The following SUN3 variants were observed in gnomAD, a reference collection of about 807,000 sequenced individuals.
SUN3 encodes the protein Sad1 and UNC84 domain containing 3, also known as SUN domain-containing protein 3.
A neutral mutation model predicts 48.2 loss-of-function variants in SUN3; 36 were observed. The ratio of observed to expected loss-of-function variants is 0.75; its 90% CI spans 0.57 to 0.99. The LOEUF (loss-of-function observed/expected upper bound fraction) is 0.99, where lower values mean the gene tolerates loss of function less well. Ranked by LOEUF, SUN3 falls within the 50% of genes least tolerant of loss-of-function variation. The probability of loss-of-function intolerance (pLI) is 0.00; values close to 1 mark genes in which losing one functional copy is unlikely to be tolerated. For missense variants in SUN3, 419 were observed against 433.1 expected (o/e 0.97, Z 0.29); for synonymous variants, 148 against 147.9 (o/e 1.00, Z 0.00).
chr7:48,006,105 G>A (rs1461669412), intron 5 of SUN3, 52 bp from the exon 6 acceptor site: 2 of 1,288,930 alleles, frequency 1.6e-6, no homozygotes, highest in East Asian at 4.7e-5. Context: ...CCAACTGCTT[G>A]AGTTTTGACC....
At chr7:48,004,273 T>C (rs1789465191) in intron 6 of SUN3, among the ~76,000 whole-genome samples, 1 of 152,258 alleles carries the variant, frequency 6.6e-6, no homozygotes, top group Non-Finnish European at 1.5e-5. Flanking sequence ...TTGTGATTTG[T>C]ACCCTAGACA....
At chr7:47,996,782 T>C (rs1256783963) in intron 6 of SUN3, among the ~76,000 whole-genome samples, 1 of 151,586 alleles carries the variant, frequency 6.6e-6, no homozygotes, top group African/African-American at 2.4e-5. Flanking sequence ...TATCTGATTA[T>C]CCTTACTTTT....
At chr7:48,022,016 C>T (rs1359512226) in intron 2 of SUN3, among the ~76,000 whole-genome samples, 1 of 152,038 alleles carries the variant, frequency 6.6e-6, no homozygotes, top group African/African-American at 2.4e-5. Flanking sequence ...TTGGAAGCAA[C>T]CTAAGTGTCC....
At position 47,988,873 on chromosome 7, in the gene SUN3, G is replaced by A; in HGVS notation, c.869C>T (p.Thr290Ile). Reference sequence around the variant, plus strand: ...AATTTCTTCTCCTTCACATTTTTTTGTGATGCCCTATAAAGAAAGCAACAG... The same window carrying A: ...AATTTCTTCTCCTTCACATTTTTTTATGATGCCCTATAAAGAAAGCAACAG... ...APKEFSVYGITKKCEGEEIFL... is the reference protein window; with the variant it reads ...APKEFSVYGIIKKCEGEEIFL... Residue 290 changes from threonine to isoleucine, a missense_variant, in exon 9 of 10, where the codon ACA (threonine) becomes ATA (isoleucine). By Grantham distance (89) the Thr-to-Ile change is moderately conservative. Coordinates refer to ENST00000297325, the MANE Select transcript of SUN3 (RefSeq NM_001030019.2). 6.3e-7 allele frequency: 1 copy of A among 1,592,462 alleles called. No homozygotes were observed. Among genetic ancestry groups the A allele is most frequent in the Non-Finnish European group, 8.6e-7 (1 of 1,164,314 alleles).
At chr7:48,019,869 T>G (rs1022047576) in intron 2 of SUN3, among the ~76,000 whole-genome samples, 1 of 147,794 alleles carries the variant, frequency 6.8e-6, no homozygotes, top group East Asian at 2.0e-4. Flanking sequence ...GAAGAGCTAA[T>G]ACCAACCTTA....
chr7:48,001,178 GT>G (rs756500603), intron 6 of SUN3, among the ~76,000 whole-genome samples: 76 of 152,124 alleles, frequency 5.0e-4, no homozygotes, highest in Admixed American at 9.8e-4. Context: ...AGATTATTTT[GT>G]CACCCAGGTG....
chr7:47,993,891 T>C (rs1192468767), intron 8 of SUN3, among the ~76,000 whole-genome samples: 2 of 151,438 alleles, frequency 1.3e-5, no homozygotes. Context: ...GGAAGTGCCA[T>C]GGAAAAGAGT....
intron 9 of SUN3, 136 bp from the exon 10 acceptor site, chr7:47,987,585 A>G: frequency 1.2e-6 from 1 of 804,842 alleles, no homozygotes; most frequent in Non-Finnish European, 1.8e-6. Context: ...ACAGGCTGGA[A>G]TGCAGTGGCA....
rs1414357744 is a variant in SUN3, at chr7:47,994,610, C to T, written c.694-128G>A. 3.7e-5 allele frequency: 34 copies of T among 917,680 alleles called. No individual in the cohort carries two copies. In the South Asian group the frequency reaches 4.0e-4, roughly 11 times the overall value. The allele number at this position is 917,680 out of a possible 1,614,324, so 56.8% of individuals were successfully genotyped here. A position where few individuals can be genotyped will look rare whatever the true frequency, so the allele number is the denominator to read the frequency against. ...ATCAAATAGGAAAACTCCCAAGGCA[C>T]CTCTAGTGTGGTTGTTCTTCCAGAG... On this transcript the variant is annotated intron_variant, in intron 7 of 9. Coordinates refer to ENST00000297325, the MANE Select transcript of SUN3 (RefSeq NM_001030019.2).
intron 7 of SUN3, 28 bp from the exon 8 acceptor site, chr7:47,994,510 T>C: frequency 6.4e-7 from 1 of 1,573,934 alleles, no homozygotes; most frequent in East Asian, 2.3e-5. Context: ...AATTAATCTC[T>C]TAACTAGTTA....
At chr7:48,010,279 A>G (rs959519717) in intron 3 of SUN3, among the ~76,000 whole-genome samples, 16 of 152,176 alleles carry the variant, frequency 1.1e-4, no homozygotes, top group Non-Finnish European at 2.2e-4. Context: ...TGGGGCACCA[A>G]TCTTGAAGGG....
At position 48,006,025 on chromosome 7, in the gene SUN3, A is replaced by T. The variant is rs115042949; in HGVS notation, c.521T>A (p.Leu174His). The T allele has an allele frequency of 3.3e-4, 536 of 1,613,010 alleles. 3 individuals carry two copies. In the African/African-American group the frequency reaches 6.5e-3, roughly 20 times the overall value. Reference protein sequence around the residue: ...EEVSNLVNYVLKKLREDQVEM... With the variant: ...EEVSNLVNYVHKKLREDQVEM... ...GACTTGGTCTTCTCTCAACTTTTTA[A>T]GTACATAATTGACCAAGTTTGACAC... The change falls in exon 6 of 10, where the codon CTT becomes CAT. Residue 174 changes from leucine (L) to histidine (H), a missense_variant. Transcript: ENST00000297325.
the SUN3 span, among the ~76,000 whole-genome samples, chr7:48,035,258 T>TCCCCACGC: frequency 2.0e-5 from 3 of 151,426 alleles, no homozygotes; most frequent in African/African-American, 7.3e-5. The surrounding 1 kb of genome is among the most constrained non-coding windows in gnomAD (Gnocchi z 4.0). Flanking sequence ...CGTCCCCACG[T>TCCCCACGC]CCCCACGCCC....
chr7:47,996,802 C>CTTT (rs35247146), intron 6 of SUN3, among the ~76,000 whole-genome samples: 16 of 135,348 alleles, frequency 1.2e-4, no homozygotes, highest in African/African-American at 2.2e-4. Flanking sequence ...TTCTTTCCTT[C>CTTT]TTTTTTTTTT....
At chr7:48,019,412 C>A (rs149026381) in intron 2 of SUN3, among the ~76,000 whole-genome samples, 4,415 of 151,478 alleles carry the variant, frequency 0.029, 215 homozygotes, top group African/African-American at 0.1. Flanking sequence ...AGCAAACCAA[C>A]CCCAAAATGA....
intron 6 of SUN3, among the ~76,000 whole-genome samples, chr7:48,003,000 G>A (rs1583757220): frequency 6.6e-6 from 1 of 150,394 alleles, no homozygotes; most frequent in Non-Finnish European, 1.5e-5. Flanking sequence ...GACTTCATAG[G>A]CAATACCTAG....
the SUN3 span, chr7:48,035,594 G>T: frequency 1.4e-6 from 1 of 694,680 alleles, no homozygotes; most frequent in Non-Finnish European, 2.6e-6. The surrounding 1 kb of genome is among the most constrained non-coding windows in gnomAD (Gnocchi z 4.0). Context: ...AACGCCGGGC[G>T]CCGCGGGCAG....
intron 6 of SUN3, among the ~76,000 whole-genome samples, chr7:47,996,801 T>C (rs1789224800): frequency 3.4e-5 from 5 of 148,798 alleles, no homozygotes. Flanking sequence ...TTTCTTTCCT[T>C]CTTTTTTTTT....
At chr7:47,994,051 G>A (rs1789137204) in intron 8 of SUN3, among the ~76,000 whole-genome samples, 1 of 152,116 alleles carries the variant, frequency 6.6e-6, no homozygotes, top group South Asian at 2.1e-4. Flanking sequence ...GAGATGTGGA[G>A]AAGTGGGACA....
Sources: allele counts gnomAD v4.1 joint callset (sites outside exome capture counted in the v4.1 genomes callset), GRCh38; gene constraint gnomAD v4.1.1; non-coding constraint Gnocchi (gnomAD v3.1); transcripts MANE v1.5; gene names NCBI Gene and HGNC (gene_info 2026-07-23, HGNC 2026-07-21).